MUC4: variants seen among roughly 807,000 people sequenced by gnomAD.
The protein encoded by MUC4 is mucin 4, cell surface associated.
A neutral mutation model predicts 257.9 loss-of-function variants in MUC4; 202 were observed. The observed-to-expected ratio is 0.78, with a 90% CI of 0.70 to 0.88. The LOEUF (loss-of-function observed/expected upper bound fraction) is 0.88. Ranked by LOEUF, MUC4 falls within the 40% of genes least tolerant of loss-of-function variation. MUC4 has a pLI of 0.00. For synonymous variants in MUC4, 2,351 were observed against 2,757.1 expected (o/e 0.85, Z 4.62); for missense variants, 5,976 against 6,513.7 (o/e 0.92, Z 2.84).
chr3:195,755,128 C>T lies in MUC4; in HGVS notation c.15169-756G>A, dbSNP rs989916890. On this transcript the variant is annotated intron_variant, in intron 18 of 24. Transcript: ENST00000463781. The surrounding 1 kb of genome is among the most constrained non-coding windows in gnomAD (Gnocchi z 5.0). ...ACCTCCCAGGTTCAAGCCATCCTCCCACCTCAGCCTCCCGAGGAGCTGGGG... is the reference window on the plus strand; with the variant it reads ...ACCTCCCAGGTTCAAGCCATCCTCCTACCTCAGCCTCCCGAGGAGCTGGGG... Among the ~76,000 whole-genome samples the T allele has an allele frequency of 1.3e-5, 2 of 151,926 alleles. No homozygotes were observed. Among genetic ancestry groups the T allele is most frequent in the African/African-American group, 4.8e-5 (2 of 41,340 alleles).
At chr3:195,767,363 C>CCACCACCACCACCATCGCCAG (rs1720741049) in intron 7 of MUC4, among the ~76,000 whole-genome samples, 2 of 151,558 alleles carry the variant, frequency 1.3e-5, no homozygotes, top group Non-Finnish European at 2.9e-5. Context: ...ACTGCTGCTA[C>CCACCACCACCACCATCGCCAG]CACCACCACC....
intron 15 of MUC4, 34 bp from the exon 16 acceptor site, chr3:195,761,151 G>A: frequency 6.3e-7 from 1 of 1,578,978 alleles, no homozygotes; most frequent in South Asian, 1.1e-5. Context: ...TACCAGGCAT[G>A]GCACTCAGCC....
chr3:195,796,409 G>A (rs1338652900), intron 1 of MUC4, among the ~76,000 whole-genome samples: 1 of 151,990 alleles, frequency 6.6e-6, no homozygotes, highest in African/African-American at 2.4e-5. Context: ...AATTGAATCA[G>A]CAGTTTAAAA....
In MUC4 at chr3:195,764,177, G is replaced by A. The variant is rs1453997681; in HGVS notation, c.13925-13C>T. 6.4e-7 allele frequency: 1 copy of A among 1,556,750 alleles called. No individual in the cohort carries two copies. The highest frequency in any genetic ancestry group is 1.4e-5 in the African/African-American group (1 of 73,386). On this transcript the variant is annotated splice_polypyrimidine_tract_variant and intron_variant, in intron 10 of 24. Transcript: ENST00000463781. Reference sequence around the variant, plus strand: ...TCCAGTTCCTGGGCTGCGGAGAACAGCAGTGAGTCGGGGAGGTTGAGGACC... The same window carrying A: ...TCCAGTTCCTGGGCTGCGGAGAACAACAGTGAGTCGGGGAGGTTGAGGACC...
rs752342140 is a variant in MUC4, at chr3:195,788,758, G to T, written c.2822C>A (p.Ser941Ter). The T allele has an allele frequency of 6.2e-7, 1 of 1,613,746 alleles. No homozygotes were observed. Among genetic ancestry groups the T allele is most frequent in the Non-Finnish European group, 8.5e-7 (1 of 1,179,814 alleles). ...TFSTVPPTPPSITSTGLTSPQ... is the reference protein window; with the variant it reads ...TFSTVPPTPP Reference sequence around the variant, plus strand: ...AGATGTAAGCCCAGTGGATGTGATCGATGGAGGTGTGGGTGGGACTGTTGA... The same window carrying T: ...AGATGTAAGCCCAGTGGATGTGATCTATGGAGGTGTGGGTGGGACTGTTGA... Residue 941 changes from serine (S) to a stop codon, truncating the protein, a stop_gained, in exon 2 of 25, where the codon TCG (serine) becomes TAG (stop). Transcript: ENST00000463781. LOFTEE classifies it high-confidence loss of function.
chr3:195,746,773 A>T lies in MUC4; in HGVS notation c.*403T>A. 1 of 238,272 alleles carries T rather than the reference A, an allele frequency of 4.2e-6. No individual in the cohort carries two copies. 14.8% of individuals were successfully genotyped at this position (238,272 alleles called of 1,614,324 possible). On this transcript the variant is annotated 3_prime_UTR_variant, in exon 25 of 25. Transcript: ENST00000463781. ...AAGAATGGAATTCCTGGTTTTGGAG[A>T]CACAAAAAGTCAGAGAGACTTTATT...
chr3:195,783,058 G>C lies in MUC4; in HGVS notation c.8522C>G (p.Ala2841Gly). 1 of 800,594 alleles carries C rather than the reference G, an allele frequency of 1.2e-6. No homozygotes were observed. The highest frequency in any genetic ancestry group is 1.7e-6 in the Non-Finnish European group (1 of 573,642). The allele number at this position is 800,594 out of a possible 1,614,324, so 49.6% of individuals were successfully genotyped here. A position where few individuals can be genotyped will look rare whatever the true frequency, so the allele number is the denominator to read the frequency against. The change falls in exon 2 of 25, where the codon GCA (alanine) becomes GGA (glycine). Residue 2841 changes from alanine (A) to glycine (G), a missense_variant. Physicochemically the swap from Ala to Gly is moderately conservative, Grantham distance 60. This residue lies in a region of MUC4 where 228 missense variants were observed against 206.3 expected (regional missense o/e 1.11). Transcript: ENST00000463781. ...AAGAGGGGTGGTGTGACCTGAGGAT[G>C]CTGAGGAAGGGATGGTGACAGGAAG... The part of the protein sequence containing the change: ...TSLPVTIPSS[A>G]SSGHTTPLPV...
At chr3:195,767,907 T>A (rs375233368) in intron 7 of MUC4, among the ~76,000 whole-genome samples, 8 of 63,252 alleles carry the variant, frequency 1.3e-4, no homozygotes, top group Admixed American at 1.0e-3. Flanking sequence ...ATCACCACCA[T>A]CACCATCGCC....
Position 195,786,244 on chromosome 3 carries a change from A to C in MUC4, c.5336T>G (p.Val1779Gly). The change falls in exon 2 of 25, where the codon GTC becomes GGC. Residue 1779 changes from valine (V) to glycine (G), a missense_variant. Coordinates refer to ENST00000463781, the MANE Select transcript of MUC4 (RefSeq NM_018406.7). ...TGTGGAAGCTGAAGAAAGGCCGGTGACAGGAAGTGGGGTGGCGTGAGCTGT... is the reference window on the plus strand; with the variant it reads ...TGTGGAAGCTGAAGAAAGGCCGGTGCCAGGAAGTGGGGTGGCGTGAGCTGT... Reference protein sequence around the residue: ...VSTAHATPLPVTGLSSASTDD... With the variant: ...VSTAHATPLPGTGLSSASTDD... 1 of 1,481,790 alleles carries C rather than the reference A, an allele frequency of 6.7e-7. No individual in the cohort carries two copies. The highest frequency in any genetic ancestry group is 1.2e-5 in the South Asian group (1 of 80,710). 91.8% of individuals were successfully genotyped at this position (1,481,790 alleles called of 1,614,324 possible).
intron 2 of MUC4, 131 bp from the exon 3 acceptor site, chr3:195,778,586 A>C: frequency 7.5e-7 from 1 of 1,326,120 alleles, no homozygotes; most frequent in Non-Finnish European, 1.0e-6. Context: ...TCATATCCAA[A>C]CTACTCTCGA....
In MUC4 at chr3:195,755,146, AGCTGGG is replaced by A. The variant is rs1272152720; in HGVS notation, c.15169-780_15169-775del. On this transcript the variant is annotated intron_variant, in intron 18 of 24. Transcript: ENST00000463781. This position sits in a 1 kb window ranked among gnomAD's most constrained non-coding sequence, Gnocchi z 5.0. Reference sequence around the variant, plus strand: ...ATCCTCCCACCTCAGCCTCCCGAGGAGCTGGGGCTACAGGCATGCACCACCACGCCC... The same window carrying A: ...ATCCTCCCACCTCAGCCTCCCGAGGAGCTACAGGCATGCACCACCACGCCC... 1.3e-5 allele frequency among the ~76,000 whole-genome samples: 2 copies of A among 151,618 alleles called. No homozygotes were observed. The highest frequency in any genetic ancestry group is 4.8e-5 in the African/African-American group (2 of 41,270).
Position 195,780,113 on chromosome 3 carries a change from T to A in MUC4, c.11467A>T (p.Thr3823Ser). The A allele has an allele frequency of 7.1e-7, 1 of 1,418,052 alleles. No homozygotes were observed. The highest frequency in any genetic ancestry group is 2.1e-5 in the Admixed American group (1 of 46,778). 87.8% of individuals were successfully genotyped at this position (1,418,052 alleles called of 1,614,324 possible). The change falls in exon 2 of 25, where the codon ACC becomes TCC. Residue 3823 changes from threonine (T) to serine (S), a missense_variant. Physicochemically the swap from Thr to Ser is moderately conservative, Grantham distance 58. Coordinates refer to ENST00000463781, the MANE Select transcript of MUC4 (RefSeq NM_018406.7). ...SLSSVSTGDT[T>S]PLPVTDASSA... ...GAAGCGTCGGTGACAGGAAGAGGGG[T>A]GGTGTCACCTGTGGATACTGAGGAA...
rs761047565 is a variant in MUC4, at chr3:195,788,168, G to T, written c.3412C>A (p.Pro1138Thr). Reference sequence around the variant, plus strand: ...GATACTGAGGAAGTGTCGGTGACAGGAAGAGAGGTGGCGTGACCTGTGGAT... The same window carrying T: ...GATACTGAGGAAGTGTCGGTGACAGTAAGAGAGGTGGCGTGACCTGTGGAT... ...SASTGHATSL[P>T]VTDTSSVSTG... The change falls in exon 2 of 25, where the codon CCT (proline) becomes ACT (threonine). Residue 1138 changes from proline (P) to threonine (T), a missense_variant. Around this residue, in one of 44 missense-constraint regions of MUC4, gnomAD observed 11 missense variants for 41.1 expected, o/e 0.27. Transcript: ENST00000463781. The T allele has an allele frequency of 9.5e-6, 14 of 1,471,312 alleles. No homozygotes were observed. Among genetic ancestry groups the T allele is most frequent in the Non-Finnish European group, 1.3e-5 (14 of 1,103,234 alleles). 91.1% of individuals were successfully genotyped at this position (1,471,312 alleles called of 1,614,324 possible).
chr3:195,796,942 G>A (rs1386669663), intron 1 of MUC4, among the ~76,000 whole-genome samples: 2 of 152,066 alleles, frequency 1.3e-5, no homozygotes, highest in Non-Finnish European at 2.9e-5. Flanking sequence ...TAAAATATTA[G>A]CAAGCCAAAG....
chr3:195,767,076 G>C (rs1321841162), intron 7 of MUC4, among the ~76,000 whole-genome samples: 1 of 152,104 alleles, frequency 6.6e-6, no homozygotes, highest in African/African-American at 2.4e-5. Context: ...CCTTCAACAA[G>C]CAGAGGGTTT....
At chr3:195,759,477 C>G (rs1410176061) in intron 16 of MUC4, among the ~76,000 whole-genome samples, 1 of 152,144 alleles carries the variant, frequency 6.6e-6, no homozygotes, top group Non-Finnish European at 1.5e-5. Context: ...TTTCTCTCCC[C>G]CCACCTCCTC....
At chr3:195,770,405 G>T (rs769863146) in intron 5 of MUC4, 34 bp from the exon 6 acceptor site, 6 of 1,611,966 alleles carry the variant, frequency 3.7e-6, no homozygotes, top group Non-Finnish European at 5.1e-6. Context: ...ACAAGCCAAC[G>T]AGGGTCCCAC....
intron 3 of MUC4, among the ~76,000 whole-genome samples, chr3:195,774,887 C>A (rs564383425): frequency 2.6e-5 from 3 of 113,494 alleles, no homozygotes; most frequent in African/African-American, 1.0e-4. Flanking sequence ...GCAACAAGAG[C>A]GAAAACTCCA....
intron 1 of MUC4, among the ~76,000 whole-genome samples, chr3:195,808,494 C>T (rs1017273179): frequency 6.6e-6 from 1 of 152,192 alleles, no homozygotes; most frequent in Non-Finnish European, 1.5e-5. Context: ...CGTGAGCCAC[C>T]GCGCCCGGCC....
Sources: gnomAD v4.1 joint callset for allele counts (sites outside exome capture counted in the v4.1 genomes callset) on GRCh38, gnomAD v4.1.1 for gene constraint, gnomAD v4.1.1 regional missense constraint, Gnocchi (gnomAD v3.1) non-coding constraint, MANE v1.5 for transcripts, NCBI Gene and HGNC (gene_info 2026-07-23, HGNC 2026-07-21) for gene names.